Variants in CLNK observed in about 807,000 individuals in gnomAD.
CLNK encodes cytokine dependent hematopoietic cell linker.
CLNK carries 74 observed loss-of-function variants against 68.6 expected under a neutral mutation model. The observed-to-expected ratio is 1.08, with a 90% confidence interval of 0.89 to 1.31. The LOEUF (loss-of-function observed/expected upper bound fraction) is 1.31, where lower values mean the gene tolerates loss of function less well. Among genes scored for constraint, CLNK ranks in the 50% most tolerant of loss-of-function variants. The probability of loss-of-function intolerance (pLI) is 0.00; values close to 1 mark genes in which losing one functional copy is unlikely to be tolerated. For synonymous variants in CLNK, 198 were observed against 172.2 expected (o/e 1.15, Z -1.17); for missense variants, 553 against 515.3 (o/e 1.07, Z -0.71).
chr4:10,563,262 T>C (rs1719969378), intron 7 of CLNK, among the ~76,000 whole-genome samples: 1 of 152,178 alleles, frequency 6.6e-6, no homozygotes, highest in African/African-American at 2.4e-5. Context: ...AAAAGAATAG[T>C]GAAATCCCTT....
intron 2 of CLNK, among the ~76,000 whole-genome samples, chr4:10,638,796 G>A (rs1028655878): frequency 1.3e-5 from 2 of 152,182 alleles, no homozygotes; most frequent in African/African-American, 4.8e-5. Context: ...CATGATTCTG[G>A]AGGCGAGAAA....
intron 2 of CLNK, among the ~76,000 whole-genome samples, chr4:10,629,097 T>G (rs1362966499): frequency 6.6e-6 from 1 of 152,192 alleles, no homozygotes; most frequent in Non-Finnish European, 1.5e-5. Context: ...CCAGCTCCCA[T>G]GCCCCCATTC....
intron 1 of CLNK, among the ~76,000 whole-genome samples, chr4:10,679,048 G>A (rs1056210334): frequency 1.3e-5 from 2 of 152,148 alleles, no homozygotes; most frequent in Non-Finnish European, 2.9e-5. Flanking sequence ...ACAAGAGCGT[G>A]CATTGCCAAC....
intron 2 of CLNK, among the ~76,000 whole-genome samples, chr4:10,603,989 A>C (rs1223956562): frequency 1.3e-5 from 2 of 152,188 alleles, no homozygotes; most frequent in Non-Finnish European, 2.9e-5. Context: ...GGAAGGGCTG[A>C]AGGCAGGAGT....
At chr4:10,684,128 C>G (rs1577220226) in intron 1 of CLNK, among the ~76,000 whole-genome samples, 3 of 152,318 alleles carry the variant, frequency 2.0e-5, no homozygotes, top group Non-Finnish European at 2.9e-5. Context: ...CAACTTTAAC[C>G]TCACTTTTGA....
At chr4:10,491,437 A>T (rs1256987516) in intron 18 of CLNK, among the ~76,000 whole-genome samples, 1 of 152,238 alleles carries the variant, frequency 6.6e-6, no homozygotes, top group East Asian at 1.9e-4. Context: ...AGTCTAAGGA[A>T]TTCTAGTATA....
chr4:10,501,365 T>C lies in CLNK; in HGVS notation c.1031A>G (p.Glu344Gly). Residue 344 changes from glutamate to glycine, a missense_variant, in exon 18 of 19, where the codon GAG (glutamate) becomes GGG (glycine). Physicochemically the swap from Glu to Gly is moderately conservative, Grantham distance 98 (BLOSUM62 -2). Transcript: ENST00000226951. Reference protein sequence around the residue: ...VRDCSTKSKEEPYVLAVFYEN... With the variant: ...VRDCSTKSKEGPYVLAVFYEN... ...ATAAAACACAGCCAAAACATAGGGC[T>C]CTTCCTTGGATTTTGTGGAACAATC... is the stretch of plus-strand genomic sequence containing the variant. The C allele has an allele frequency of 1.2e-6, 2 of 1,610,240 alleles. No homozygotes were observed. Among genetic ancestry groups the C allele is most frequent in the East Asian group, 2.2e-5 (1 of 44,820 alleles).
chr4:10,537,215 C>T (rs927155444), intron 11 of CLNK, among the ~76,000 whole-genome samples: 1 of 152,210 alleles, frequency 6.6e-6, no homozygotes, highest in South Asian at 2.1e-4. Flanking sequence ...CGGTGGCTCA[C>T]GTCTGTAATC....
intron 4 of CLNK, among the ~76,000 whole-genome samples, chr4:10,575,352 C>T (rs1391913821): frequency 6.6e-6 from 1 of 152,248 alleles, no homozygotes; most frequent in African/African-American, 2.4e-5. Context: ...CTGTCTAGAG[C>T]CCTCTTTTCT....
chr4:10,686,388 C>T (rs1257468854), upstream of CLNK, among the ~76,000 whole-genome samples: 1 of 152,038 alleles, frequency 6.6e-6, no homozygotes, highest in African/African-American at 2.4e-5. Context: ...CGACCCATAA[C>T]AAGACCTGAT....
chr4:10,572,235 A>C (rs935561153), intron 4 of CLNK, among the ~76,000 whole-genome samples: 1 of 152,260 alleles, frequency 6.6e-6, no homozygotes, highest in Non-Finnish European at 1.5e-5. Context: ...ATAGACTATA[A>C]GTATTTTGAG....
intron 17 of CLNK, among the ~76,000 whole-genome samples, chr4:10,505,632 G>T (rs1008739902): frequency 2.0e-5 from 3 of 152,128 alleles, no homozygotes; most frequent in Non-Finnish European, 4.4e-5. Flanking sequence ...CAAGATCCCT[G>T]GCTTGTGGTT....
At chr4:10,524,868 G>A (rs543730944) in intron 14 of CLNK, among the ~76,000 whole-genome samples, 2 of 152,168 alleles carry the variant, frequency 1.3e-5, no homozygotes, top group Non-Finnish European at 2.9e-5. Flanking sequence ...CATGCATTAA[G>A]TGGCATTGTG....
intron 3 of CLNK, among the ~76,000 whole-genome samples, chr4:10,597,255 C>A (rs996749690): frequency 3.3e-5 from 5 of 152,254 alleles, no homozygotes; most frequent in Non-Finnish European, 7.4e-5. Flanking sequence ...GAAGCCACCC[C>A]AGGAAGGCTT....
At chr4:10,670,094 T>C (rs1724570391) in intron 1 of CLNK, among the ~76,000 whole-genome samples, 1 of 152,252 alleles carries the variant, frequency 6.6e-6, no homozygotes, top group South Asian at 2.1e-4. Flanking sequence ...ATCTTTCTTT[T>C]ACAGCATGTC....
chr4:10,553,951 G>C (rs921759338), intron 8 of CLNK, among the ~76,000 whole-genome samples: 2 of 152,214 alleles, frequency 1.3e-5, no homozygotes, highest in Non-Finnish European at 2.9e-5. Flanking sequence ...GTGCTTCCTG[G>C]GAAGGTGGTG....
At chr4:10,529,579 C>T (rs561768655) in intron 12 of CLNK, among the ~76,000 whole-genome samples, 1 of 152,202 alleles carries the variant, frequency 6.6e-6, no homozygotes, top group Non-Finnish European at 1.5e-5. Context: ...ACATACATTT[C>T]ATTATGGACA....
At chr4:10,593,014 G>A (rs566341730) in intron 3 of CLNK, among the ~76,000 whole-genome samples, 12 of 152,178 alleles carry the variant, frequency 7.9e-5, no homozygotes, top group African/African-American at 1.9e-4. Context: ...AGTGTGAGCC[G>A]CAGTGCCCAG....
At chr4:10,721,910 C>T in the CLNK span, among the ~76,000 whole-genome samples, 1 of 152,166 alleles carries the variant, frequency 6.6e-6, no homozygotes, top group East Asian at 1.9e-4. Context: ...CAGGCAGTGG[C>T]TCATGCCTGT....
Sources: gnomAD v4.1 joint callset for allele counts (sites outside exome capture counted in the v4.1 genomes callset) on GRCh38, gnomAD v4.1.1 for gene constraint, MANE v1.5 for transcripts, NCBI Gene and HGNC (gene_info 2026-07-23, HGNC 2026-07-21) for gene names.